The following MAPRE2 variants were observed in gnomAD, a reference collection of about 807,000 sequenced individuals.
The protein encoded by MAPRE2 is microtubule-associated protein RP/EB family member 2.
A neutral mutation model predicts 43.2 loss-of-function variants in MAPRE2; 13 were observed. The observed-to-expected ratio is 0.30, with a 90% CI of 0.20 to 0.48. The LOEUF is 0.48. Ranked by LOEUF, MAPRE2 falls within the 20% of genes least tolerant of loss-of-function variation. MAPRE2 has a pLI of 0.99. For synonymous variants in MAPRE2, 135 were observed against 148.8 expected, an observed-to-expected ratio of 0.91 and a Z score of 0.68; for missense variants, 161 against 400.2, an observed-to-expected ratio of 0.40 and a Z score of 5.10.
chr18:35,077,247 G>GCA (rs774733086), intron 2 of MAPRE2, among the ~76,000 whole-genome samples: 2,386 of 116,896 alleles, frequency 0.02, 22 homozygotes, highest in Non-Finnish European at 0.028. Context: ...GCGTGCGCGC[G>GCA]CGCACACACA....
chr18:35,109,152 G>A (rs1418247040), intron 4 of MAPRE2, among the ~76,000 whole-genome samples: 1 of 152,176 alleles, frequency 6.6e-6, no homozygotes, highest in African/African-American at 2.4e-5. Flanking sequence ...AAGGTGTAAG[G>A]AAGGGGTTCA....
chr18:35,128,537 A>G (rs1275173675), intron 5 of MAPRE2, among the ~76,000 whole-genome samples: 4 of 152,254 alleles, frequency 2.6e-5, no homozygotes, highest in South Asian at 2.1e-4. Flanking sequence ...TTTACATTGT[A>G]TTAGGTATTA....
chr18:35,101,902 C>G, intron 3 of MAPRE2, 44 bp from the exon 4 acceptor site: 1 of 1,429,114 alleles, frequency 7.0e-7, no homozygotes, highest in South Asian at 1.3e-5. Context: ...GGGTATATAC[C>G]CAAACGTGAG....
chr18:35,110,269 G>A (rs142136287), intron 4 of MAPRE2, among the ~76,000 whole-genome samples: 18 of 152,160 alleles, frequency 1.2e-4, no homozygotes, highest in Non-Finnish European at 1.9e-4. Context: ...TATAAAATGC[G>A]TGCTGAATTT....
chr18:35,056,967 C>T (rs1906263430), intron 1 of MAPRE2, among the ~76,000 whole-genome samples: 1 of 152,158 alleles, frequency 6.6e-6, no homozygotes, highest in Non-Finnish European at 1.5e-5. Context: ...TTCCACTGTC[C>T]TTCCCAAACC....
chr18:35,060,394 C>T (rs537377223), intron 1 of MAPRE2, among the ~76,000 whole-genome samples: 1 of 152,296 alleles, frequency 6.6e-6, no homozygotes, highest in East Asian at 1.9e-4. Context: ...ATTTTCAGAG[C>T]ATGGACGAAG....
At chr18:35,077,757 C>T (rs1443069146) in intron 2 of MAPRE2, among the ~76,000 whole-genome samples, 1 of 152,082 alleles carries the variant, frequency 6.6e-6, no homozygotes, top group African/African-American at 2.4e-5. Context: ...TTACAGAAAC[C>T]TTTAGAGCCA....
chr18:35,083,264 A>G (rs1372158693), intron 2 of MAPRE2, among the ~76,000 whole-genome samples: 1 of 152,232 alleles, frequency 6.6e-6, no homozygotes, highest in Non-Finnish European at 1.5e-5. Context: ...GAAGGGTAAT[A>G]CAAGTGTGTG....
intron 1 of MAPRE2, among the ~76,000 whole-genome samples, chr18:35,068,505 C>T (rs1391344530): frequency 1.3e-5 from 2 of 152,052 alleles, no homozygotes; most frequent in African/African-American, 2.4e-5. Flanking sequence ...TGTTTAAGTC[C>T]ATGGATTCAT....
rs1161883717 is a variant in MAPRE2 at position 35,070,191 on chromosome 18, C to T, written c.123-4C>T. The T allele has an allele frequency of 2.5e-6, 4 of 1,569,380 alleles. No homozygotes were observed. The highest frequency in any genetic ancestry group is 2.1e-5 in the Admixed American group (1 of 48,592). On this transcript the variant is annotated splice_polypyrimidine_tract_variant and splice_region_variant and intron_variant, in intron 1 of 6. Transcript: ENST00000300249. ...TTGTTAAATAAACTTTGTTTTTTTT[C>T]TAGTTGGGGAATGGCGGTCAATGTG...
At chr18:35,091,173 G>A (rs371291475) in intron 2 of MAPRE2, among the ~76,000 whole-genome samples, 1 of 152,304 alleles carries the variant, frequency 6.6e-6, no homozygotes, top group African/African-American at 2.4e-5. Context: ...AATGCTTCAA[G>A]ATCTGAAATT....
At chr18:35,048,221 A>G (rs1201049088) in intron 1 of MAPRE2, among the ~76,000 whole-genome samples, 2 of 152,070 alleles carry the variant, frequency 1.3e-5, no homozygotes, top group African/African-American at 4.8e-5. Context: ...ACACACTTTT[A>G]GGCAACCAGC....
intron 2 of MAPRE2, among the ~76,000 whole-genome samples, chr18:35,076,145 A>G (rs1367618095): frequency 1.3e-5 from 2 of 152,194 alleles, no homozygotes; most frequent in African/African-American, 4.8e-5. Flanking sequence ...ATCTTCGTTT[A>G]TGTCCTTAAC....
chr18:35,079,504 C>T (rs1907531894), intron 2 of MAPRE2, among the ~76,000 whole-genome samples: 1 of 152,178 alleles, frequency 6.6e-6, no homozygotes, highest in Non-Finnish European at 1.5e-5. Flanking sequence ...ACCGATTTCC[C>T]ATCCAGCTCT....
At chr18:35,135,279 A>G (rs751592730) in intron 6 of MAPRE2, among the ~76,000 whole-genome samples, 5 of 152,156 alleles carry the variant, frequency 3.3e-5, no homozygotes, top group Non-Finnish European at 7.3e-5. Context: ...TTATGCAGAA[A>G]GAAAAGGAAG....
At chr18:35,110,540 G>A (rs561595307) in intron 4 of MAPRE2, among the ~76,000 whole-genome samples, 9 of 151,976 alleles carry the variant, frequency 5.9e-5, no homozygotes, top group Non-Finnish European at 1.3e-4. Context: ...TATTTTCAAC[G>A]TTCTTCATTT....
chr18:35,121,581 C>T (rs1850334000), intron 4 of MAPRE2, among the ~76,000 whole-genome samples: 2 of 151,844 alleles, frequency 1.3e-5, no homozygotes, highest in South Asian at 4.2e-4. Context: ...GTTCTCAGGA[C>T]ATCCTCAAAT....
intron 1 of MAPRE2, chr18:34,978,364 G>C (rs73949042): frequency 2.7e-6 from 2 of 743,764 alleles, no homozygotes; most frequent in East Asian, 5.4e-5. Context: ...TCCTTGATTA[G>C]CATAGTATCG....
At chr18:34,985,329 A>G (rs1228271074) in intron 1 of MAPRE2, among the ~76,000 whole-genome samples, 12 of 39,426 alleles carry the variant, frequency 3.0e-4, no homozygotes, top group African/African-American at 1.2e-3. Context: ...TATATATAAT[A>G]TAATATATAA....
Sources: allele counts gnomAD v4.1 joint callset (sites outside exome capture counted in the v4.1 genomes callset), GRCh38; gene constraint gnomAD v4.1.1; transcripts MANE v1.5; gene names NCBI Gene and HGNC (gene_info 2026-07-23, HGNC 2026-07-21).